GPHN: variants seen among roughly 807,000 people sequenced by gnomAD.
GPHN encodes the protein gephyrin.
Under a neutral mutation model 95.5 loss-of-function variants are expected in GPHN, and 17 were observed. That is an observed-to-expected ratio of 0.18 (90% CI 0.12 to 0.27). GPHN has a LOEUF of 0.27. Ranked by LOEUF, GPHN falls within the 10% of genes least tolerant of loss-of-function variation. The pLI, the probability that GPHN is intolerant of heterozygous loss-of-function variation, is 1.00. For missense variants in GPHN, 660 were observed against 978.1 expected, an observed-to-expected ratio of 0.67 and a Z score of 4.34; for synonymous variants, 320 against 322.5, an observed-to-expected ratio of 0.99 and a Z score of 0.08.
chr14:66,899,034 A>G (rs994373812), intron 5 of GPHN, among the ~76,000 whole-genome samples: 2 of 151,588 alleles, frequency 1.3e-5, no homozygotes, highest in Admixed American at 6.6e-5. Flanking sequence ...GCTAATATAT[A>G]TAGAAATACA....
chr14:67,550,628 G>A, the GPHN span, among the ~76,000 whole-genome samples: 1 of 152,180 alleles, frequency 6.6e-6, no homozygotes, highest in African/African-American at 2.4e-5. Context: ...TGAGGGGAAG[G>A]GCTAAAGCCA....
At chr14:67,095,711 T>C (rs2077341185) in intron 12 of GPHN, among the ~76,000 whole-genome samples, 1 of 151,680 alleles carries the variant, frequency 6.6e-6, no homozygotes, top group East Asian at 1.9e-4. Context: ...TTCTCACTCA[T>C]AGATGGGAAT....
the GPHN span, chr14:67,303,560 C>T: frequency 6.2e-7 from 1 of 1,613,780 alleles, no homozygotes; most frequent in Non-Finnish European, 8.5e-7. Flanking sequence ...TCCTGATTCC[C>T]AGTCAACAGA....
Position 67,089,003 on chromosome 14 carries a change from G to C in GPHN, c.1165G>C (p.Ala389Pro). The C allele has an allele frequency of 6.3e-7, 1 of 1,599,084 alleles. No individual in the cohort carries two copies. The highest frequency in any genetic ancestry group is 8.6e-7 in the Non-Finnish European group (1 of 1,166,500). ...NYRDGMGRVL[A>P]QDVYAKDNLP... ...TTCAGATGGAATGGGGCGAGTCCTTGCTCAAGATGTATATGCAAAAGACAA... is the reference window on the plus strand; with the variant it reads ...TTCAGATGGAATGGGGCGAGTCCTTCCTCAAGATGTATATGCAAAAGACAA... The change falls in exon 12 of 23, where the codon GCT becomes CCT. Residue 389 changes from alanine (A) to proline (P), a missense_variant. Physicochemically the swap from Ala to Pro is conservative, Grantham distance 27. Around this residue, in one of 6 missense-constraint regions of GPHN, gnomAD observed 257 missense variants for 376.2 expected, o/e 0.68. Transcript: ENST00000478722.
chr14:67,410,868 C>T, the GPHN span, among the ~76,000 whole-genome samples: 1 of 152,098 alleles, frequency 6.6e-6, no homozygotes, highest in African/African-American at 2.4e-5. Flanking sequence ...AAATTACGCT[C>T]TGTGTGGTGG....
intron 10 of GPHN, among the ~76,000 whole-genome samples, chr14:67,030,088 C>T (rs1471286735): frequency 1.3e-5 from 2 of 151,602 alleles, no homozygotes; most frequent in Non-Finnish European, 2.9e-5. Flanking sequence ...TGAGCAAGAC[C>T]ATCTATTAAC....
At chr14:67,298,697 T>G in the GPHN span, among the ~76,000 whole-genome samples, 1 of 152,068 alleles carries the variant, frequency 6.6e-6, no homozygotes, top group Non-Finnish European at 1.5e-5. Context: ...TTAAAATGAG[T>G]GTGTTTTATT....
chr14:67,539,412 G>A, the GPHN span, among the ~76,000 whole-genome samples: 9 of 152,290 alleles, frequency 5.9e-5, no homozygotes, highest in Admixed American at 2.0e-4. Flanking sequence ...TGTGTTCTGA[G>A]GAACCAAGAA....
At chr14:67,573,849 T>C in the GPHN span, 1 of 1,613,822 alleles carries the variant, frequency 6.2e-7, no homozygotes, top group Non-Finnish European at 8.5e-7. This position sits in a 1 kb window ranked among gnomAD's most constrained non-coding sequence, Gnocchi z 4.8. Flanking sequence ...GAACTCCCGC[T>C]GCCAAATTGT....
the GPHN span, among the ~76,000 whole-genome samples, chr14:67,378,145 ACT>A: frequency 6.7e-6 from 1 of 149,192 alleles, no homozygotes; most frequent in East Asian, 2.0e-4. Flanking sequence ...AAAAAGCCAG[ACT>A]CTTTCAGTTC....
At chr14:66,965,428 T>C in intron 9 of GPHN, 103 bp downstream of exon 9, 1 of 1,057,872 alleles carries the variant, frequency 9.5e-7, no homozygotes, top group East Asian at 2.4e-5. Flanking sequence ...GCATGCAAGA[T>C]TACACTGTGA....
intron 12 of GPHN, among the ~76,000 whole-genome samples, chr14:67,098,924 GTT>G (rs2077542994): frequency 6.6e-6 from 1 of 152,012 alleles, no homozygotes; most frequent in Non-Finnish European, 1.5e-5. Context: ...TTTTAAATAA[GTT>G]TATTCACGTT....
chr14:67,256,524 G>GAGATACTT, the GPHN span, among the ~76,000 whole-genome samples: 1 of 152,118 alleles, frequency 6.6e-6, no homozygotes, highest in South Asian at 2.1e-4. Context: ...ATAAATAAAT[G>GAGATACTT]AGATACTTTA....
At chr14:66,686,177 G>A (rs1230150874) in intron 2 of GPHN, among the ~76,000 whole-genome samples, 3 of 152,190 alleles carry the variant, frequency 2.0e-5, no homozygotes, top group African/African-American at 7.2e-5. Context: ...AAGTCAGGTA[G>A]CATGATGCCT....
intron 8 of GPHN, among the ~76,000 whole-genome samples, chr14:66,959,484 T>A (rs1286247061): frequency 6.6e-6 from 1 of 152,148 alleles, no homozygotes; most frequent in Non-Finnish European, 1.5e-5. Context: ...AGTTTTTGTT[T>A]ATCTGGGAAT....
chr14:66,824,701 A>G lies in GPHN; in HGVS notation c.294+135A>G, dbSNP rs1285184676. The stretch of plus-strand genomic sequence containing the variant: ...GACTTGTAGTTCTAATAATGTGAAA[A>G]TTTTGCTGTGGATGAATTGTGAAAA... On this transcript the variant is annotated intron_variant, in intron 4 of 22. Transcript: ENST00000478722. 6.9e-6 allele frequency: 4 copies of G among 579,718 alleles called. No individual in the cohort carries two copies. The Admixed American group carries it at 1.2e-4, about 18-fold the overall frequency. The allele number at this position is 579,718 out of a possible 1,614,324, so 35.9% of individuals were successfully genotyped here. A position where few individuals can be genotyped will look rare whatever the true frequency, so the allele number is the denominator to read the frequency against.
the GPHN span, chr14:67,311,859 T>C: frequency 6.6e-6 from 1 of 152,382 alleles, no homozygotes; most frequent in Admixed American, 6.5e-5. Context: ...TTAGTTAATT[T>C]TAGTCGTTGA....
intron 3 of GPHN, among the ~76,000 whole-genome samples, chr14:66,816,906 C>T (rs2060993145): frequency 6.6e-6 from 1 of 152,120 alleles, no homozygotes; most frequent in East Asian, 1.9e-4. Context: ...TAAACTTACT[C>T]TCTCTTAGCT....
intron 1 of GPHN, among the ~76,000 whole-genome samples, chr14:66,555,141 G>GT (rs1367921182): frequency 2.7e-5 from 4 of 150,798 alleles, no homozygotes; most frequent in African/African-American, 1.0e-4. Flanking sequence ...CAAAAGAAGC[G>GT]TAAGTACTTA....
Sources: gnomAD v4.1 joint callset for allele counts (sites outside exome capture counted in the v4.1 genomes callset) on GRCh38, gnomAD v4.1.1 for gene constraint, gnomAD v4.1.1 regional missense constraint, Gnocchi (gnomAD v3.1) non-coding constraint, MANE v1.5 for transcripts, NCBI Gene and HGNC (gene_info 2026-07-23, HGNC 2026-07-21) for gene names.